Variants in CATSPERB observed in about 807,000 individuals in gnomAD.
The protein encoded by CATSPERB is catsper channel auxiliary subunit beta.
CATSPERB carries 93 observed loss-of-function variants against 128.3 expected under a neutral mutation model. The observed-to-expected ratio is 0.72, with a 90% CI of 0.61 to 0.86. The LOEUF (loss-of-function observed/expected upper bound fraction) is 0.86. Among genes scored for constraint, CATSPERB ranks in the 40% least tolerant of loss-of-function variants. The pLI, the probability that CATSPERB is intolerant of heterozygous loss-of-function variation, is 0.00. For synonymous variants in CATSPERB, 381 were observed against 448.8 expected (o/e 0.85, Z 1.91); for missense variants, 1,153 against 1,329.5 (o/e 0.87, Z 2.06).
At chr14:91,675,935 C>T (rs737042) in intron 11 of CATSPERB, among the ~76,000 whole-genome samples, 39,886 of 152,026 alleles carry the variant, frequency 0.26, 5,748 homozygotes, top group East Asian at 0.42. Context: ...ATCCCACTTA[C>T]GGTTTTCAAT....
intron 15 of CATSPERB, among the ~76,000 whole-genome samples, chr14:91,648,843 C>G (rs74827937): frequency 3.9e-5 from 6 of 152,184 alleles, no homozygotes; most frequent in Non-Finnish European, 7.3e-5. Flanking sequence ...AAATAAGACT[C>G]TGTCTTTAAT....
rs769295417 is a variant in CATSPERB, at chr14:91,594,462, A to C, written c.2710-2460T>G. Among the ~76,000 whole-genome samples the C allele has an allele frequency of 2.7e-5, 4 of 149,994 alleles. No homozygotes were observed. The East Asian group carries it at 5.9e-4, about 22-fold the overall frequency. ...CTGCACGTTGTGCACATGTACCCTA[A>C]AACTTAAAGTATAATAATAATAAAA... On this transcript the variant is annotated intron_variant, in intron 22 of 26. Transcript: ENST00000256343.
At chr14:91,726,070 C>T (rs942258116) in intron 2 of CATSPERB, among the ~76,000 whole-genome samples, 15 of 152,164 alleles carry the variant, frequency 9.9e-5, no homozygotes, top group African/African-American at 3.6e-4. Flanking sequence ...CATCCCCCTT[C>T]TAGGTAGCCA....
chr14:91,589,298 T>A (rs1387715919), intron 24 of CATSPERB, among the ~76,000 whole-genome samples: 1 of 152,222 alleles, frequency 6.6e-6, no homozygotes, highest in Non-Finnish European at 1.5e-5. Context: ...TTCAATTTTT[T>A]TGCAGTGTAA....
chr14:91,633,338 G>A (rs1894310675), intron 17 of CATSPERB, among the ~76,000 whole-genome samples: 1 of 151,826 alleles, frequency 6.6e-6, no homozygotes, highest in Non-Finnish European at 1.5e-5. Context: ...CTAGTCCTAG[G>A]CCATAAAGTA....
At chr14:91,714,619 G>A (rs951320442) in intron 5 of CATSPERB, among the ~76,000 whole-genome samples, 1 of 143,002 alleles carries the variant, frequency 7.0e-6, no homozygotes, top group African/African-American at 2.6e-5. Context: ...GAGTGCAATG[G>A]TGCAATCTTG....
chr14:91,621,547 T>C, intron 19 of CATSPERB, 61 bp downstream of exon 19: 1 of 1,322,258 alleles, frequency 7.6e-7, no homozygotes, highest in Non-Finnish European at 1.0e-6. Flanking sequence ...AAGAGTATAT[T>C]TCACATTCAA....
chr14:91,720,037 TTAGAGACGTGTGG>T (rs1341540547), intron 4 of CATSPERB, among the ~76,000 whole-genome samples: 1 of 152,144 alleles, frequency 6.6e-6, no homozygotes. Context: ...AGGTAAGATC[TTAGAGACGTGTGG>T]TACAATTCTT....
At chr14:91,611,453 T>C (rs1893824654) in intron 20 of CATSPERB, among the ~76,000 whole-genome samples, 1 of 151,916 alleles carries the variant, frequency 6.6e-6, no homozygotes, top group Non-Finnish European at 1.5e-5. Flanking sequence ...CTACTAAAAG[T>C]ACAAAAATCA....
At chr14:91,626,473 A>T (rs1894164415) in intron 17 of CATSPERB, among the ~76,000 whole-genome samples, 1 of 143,578 alleles carries the variant, frequency 7.0e-6, no homozygotes, top group Admixed American at 7.5e-5. Flanking sequence ...TTAAGGGGTG[A>T]TTAGATCATG....
At chr14:91,728,204 C>G (rs1013646568) in intron 2 of CATSPERB, among the ~76,000 whole-genome samples, 1 of 152,136 alleles carries the variant, frequency 6.6e-6, no homozygotes, top group African/African-American at 2.4e-5. Context: ...ACTTCTGCCT[C>G]CTGGGGCTCA....
chr14:91,619,651 T>C (rs1020481762), intron 19 of CATSPERB, among the ~76,000 whole-genome samples: 1 of 152,076 alleles, frequency 6.6e-6, no homozygotes. Context: ...CTTTCTAATT[T>C]TTCTGTTATC....
At chr14:91,701,879 C>G in intron 7 of CATSPERB, among the ~76,000 whole-genome samples, 1 of 148,414 alleles carries the variant, frequency 6.7e-6, no homozygotes, top group African/African-American at 2.5e-5. Flanking sequence ...CCTCTGCATT[C>G]CAGCCTGGGC....
intron 5 of CATSPERB, among the ~76,000 whole-genome samples, chr14:91,712,585 T>G (rs919534245): frequency 6.6e-5 from 10 of 152,248 alleles, no homozygotes; most frequent in Non-Finnish European, 1.2e-4. Flanking sequence ...GCTTTTGTAT[T>G]GCATCGTTTA....
In CATSPERB at chr14:91,588,041, T is replaced by C. The variant is rs1302780568; in HGVS notation, c.2994A>G (p.Gln998=). Residue 998 remains glutamine, a synonymous_variant, in exon 25 of 27, where the codon CAA becomes CAG. Transcript: ENST00000256343. The part of the protein sequence containing the change: ...TVPENIKRMK[Q]LVEPILGAAV... Reference sequence around the variant, plus strand: ...CAGCACCAAGAATTGGTTCTACTAATTGTTTCATTCTTTTAATATTTTCTG... The same window carrying C: ...CAGCACCAAGAATTGGTTCTACTAACTGTTTCATTCTTTTAATATTTTCTG... The C allele has an allele frequency of 9.9e-6, 16 of 1,611,678 alleles. No individual in the cohort carries two copies. The highest frequency in any genetic ancestry group is 1.3e-5 in the African/African-American group (1 of 75,012).
chr14:91,711,709 CA>C (rs1388747412), intron 5 of CATSPERB, among the ~76,000 whole-genome samples: 1 of 152,118 alleles, frequency 6.6e-6, no homozygotes, highest in Non-Finnish European at 1.5e-5. Flanking sequence ...TAAAGAGGGA[CA>C]ATACATATGA....
intron 22 of CATSPERB, among the ~76,000 whole-genome samples, chr14:91,598,296 CT>C (rs1001391843): frequency 1.1e-4 from 16 of 150,200 alleles, no homozygotes; most frequent in South Asian, 2.1e-4. Flanking sequence ...AACTTGTTCA[CT>C]TTTTTTTTAA....
chr14:91,601,312 A>G (rs764355804), intron 22 of CATSPERB, among the ~76,000 whole-genome samples: 4 of 152,178 alleles, frequency 2.6e-5, no homozygotes, highest in Non-Finnish European at 5.9e-5. Flanking sequence ...TTTTTCTCTA[A>G]TTTTCCACAG....
chr14:91,631,505 T>C (rs756627716), intron 17 of CATSPERB, among the ~76,000 whole-genome samples: 9 of 151,864 alleles, frequency 5.9e-5, no homozygotes, highest in Admixed American at 6.6e-5. Flanking sequence ...CTCTACTAAA[T>C]ATACAAAAAA....
Sources: gnomAD v4.1 joint callset for allele counts (sites outside exome capture counted in the v4.1 genomes callset) on GRCh38, gnomAD v4.1.1 for gene constraint, MANE v1.5 for transcripts, NCBI Gene and HGNC (gene_info 2026-07-23, HGNC 2026-07-21) for gene names.